The following CHMP2B variants were observed in gnomAD, a reference collection of about 807,000 sequenced individuals.
The protein encoded by CHMP2B is VPS2 homolog B.
A neutral mutation model predicts 29.8 loss-of-function variants in CHMP2B; 22 were observed. That is an observed-to-expected ratio of 0.74 (90% CI 0.53 to 1.05). CHMP2B has a LOEUF of 1.05. CHMP2B is among the 50% of genes least tolerant of loss of function. The pLI is 0.00. For missense variants in CHMP2B, 261 were observed against 252.2 expected (o/e 1.03, Z -0.24); for synonymous variants, 78 against 75.8 (o/e 1.03, Z -0.15).
chr3:87,247,375 G>A (rs1456401074), intron 3 of CHMP2B, among the ~76,000 whole-genome samples: 1 of 152,154 alleles, frequency 6.6e-6, no homozygotes, highest in African/African-American at 2.4e-5. Flanking sequence ...AGCACATCAT[G>A]TCCTTCTTTC....
chr3:87,253,458 A>G lies in CHMP2B; in HGVS notation c.479A>G (p.Gln160Arg). ...GGTTCTGATGACGAAGAAGAAAGCC[A>G]GGATATTGTGAATCAAGTTCTTGAT... The part of the protein sequence containing the change: ...FDGSDDEEES[Q>R]DIVNQVLDEI... Residue 160 changes from glutamine to arginine, a missense_variant, in exon 5 of 6, where the codon CAG (glutamine) becomes CGG (arginine). Coordinates refer to ENST00000263780, the MANE Select transcript of CHMP2B (RefSeq NM_014043.4). 2.5e-6 allele frequency: 4 copies of G among 1,612,170 alleles called. No individual in the cohort carries two copies. The highest frequency in any genetic ancestry group is 3.4e-6 in the Non-Finnish European group (4 of 1,178,460).
rs755848821 is a variant in CHMP2B at position 87,253,708 on chromosome 3, A to G, written c.532-4A>G. 27 of 1,610,634 alleles carry G rather than the reference A, an allele frequency of 1.7e-5. No homozygotes were observed. In the South Asian group the frequency reaches 2.6e-4, roughly 16 times the overall value. On this transcript the variant is annotated splice_region_variant and splice_polypyrimidine_tract_variant and intron_variant, in intron 5 of 5. Transcript: ENST00000263780. ...ACGTTTGTCTTTTTCATTGTTTAAT[A>G]TAGATGGCCAAAGCTCCATCAGCTG...
chr3:87,229,407 G>A (rs1170898563), intron 1 of CHMP2B, among the ~76,000 whole-genome samples: 1 of 152,092 alleles, frequency 6.6e-6, no homozygotes, highest in African/African-American at 2.4e-5. Context: ...AATTTGGCCA[G>A]CAGGTACATT....
intron 2 of CHMP2B, among the ~76,000 whole-genome samples, chr3:87,244,274 G>T (rs1430538608): frequency 2.6e-5 from 4 of 151,564 alleles, no homozygotes; most frequent in Admixed American, 1.3e-4. Context: ...TTGATTTCTT[G>T]ACCTCATTAT....
intron 2 of CHMP2B, among the ~76,000 whole-genome samples, chr3:87,244,596 A>C (rs1365945757): frequency 6.6e-6 from 1 of 151,874 alleles, no homozygotes; most frequent in Non-Finnish European, 1.5e-5. Context: ...ATTTAGAACT[A>C]TTATTTTTAA....
intron 4 of CHMP2B, among the ~76,000 whole-genome samples, chr3:87,251,361 T>G (rs1423780989): frequency 2.6e-5 from 4 of 151,972 alleles, no homozygotes; most frequent in African/African-American, 9.7e-5. Context: ...TCTTAGTACT[T>G]AACATGTGGT....
chr3:87,250,729 T>A (rs1034140391), intron 4 of CHMP2B, among the ~76,000 whole-genome samples: 2 of 151,966 alleles, frequency 1.3e-5, no homozygotes, highest in African/African-American at 4.8e-5. Context: ...AAGATTGTTG[T>A]AAAATTTTTA....
chr3:87,242,785 T>C (rs1349667811), intron 2 of CHMP2B, among the ~76,000 whole-genome samples: 1 of 152,176 alleles, frequency 6.6e-6, no homozygotes, highest in Non-Finnish European at 1.5e-5. Context: ...CTCTGTTCCA[T>C]TGATTTACAT....
chr3:87,235,737 C>T (rs1293556287), intron 1 of CHMP2B, among the ~76,000 whole-genome samples: 1 of 152,116 alleles, frequency 6.6e-6, no homozygotes, highest in African/African-American at 2.4e-5. Context: ...GGGTGTTCAG[C>T]AATTCAGTTC....
chr3:87,253,557 C>A, intron 5 of CHMP2B, 47 bp downstream of exon 5: 1 of 1,406,302 alleles, frequency 7.1e-7, no homozygotes, highest in Non-Finnish European at 1.0e-6. Flanking sequence ...CTGCCTACCA[C>A]GTTTGTCACT....
chr3:87,241,670 T>C (rs1483912204), intron 2 of CHMP2B, among the ~76,000 whole-genome samples: 6 of 152,310 alleles, frequency 3.9e-5, no homozygotes, highest in East Asian at 3.9e-4. Context: ...TATTATTCAA[T>C]TGTTTGAATA....
intron 1 of CHMP2B, chr3:87,240,484 A>G (rs1043154375): frequency 3.1e-5 from 13 of 413,982 alleles, no homozygotes; most frequent in Non-Finnish European, 5.1e-5. Context: ...CTAATTTTCT[A>G]TTTTTAGTAG....
At chr3:87,241,584 TTTCA>T (rs1307714839) in intron 2 of CHMP2B, among the ~76,000 whole-genome samples, 3 of 152,142 alleles carry the variant, frequency 2.0e-5, no homozygotes, top group Non-Finnish European at 4.4e-5. Flanking sequence ...TTATGGCATC[TTTCA>T]TTCAGCATAA....
Position 87,253,781 on chromosome 3 carries a change from G to A in CHMP2B, c.601G>A (p.Glu201Lys). 1 of 1,612,214 alleles carries A rather than the reference G, an allele frequency of 6.2e-7. No individual in the cohort carries two copies. The highest frequency in any genetic ancestry group is 1.1e-5 in the South Asian group (1 of 91,052). The change falls in exon 6 of 6, where the codon GAA becomes AAA. Residue 201 changes from glutamate to lysine, a missense_variant. Physicochemically the swap from Glu to Lys is moderately conservative, Grantham distance 56. Coordinates refer to ENST00000263780, the MANE Select transcript of CHMP2B (RefSeq NM_014043.4). ...TACTTCAAAGGCTACAATCTCAGAT[G>A]AAGAGATTGAACGGCAACTCAAGGC... ...ASTSKATISD[E>K]EIERQLKALG... is the part of the protein sequence containing the mutation.
intron 1 of CHMP2B, among the ~76,000 whole-genome samples, chr3:87,237,837 G>T (rs1352538154): frequency 6.6e-6 from 1 of 151,970 alleles, no homozygotes; most frequent in Non-Finnish European, 1.5e-5. Context: ...TTCCCATCAA[G>T]TCTCACTCAT....
At chr3:87,227,658 TG>T in intron 1 of CHMP2B, 102 bp downstream of exon 1, 4 of 1,472,770 alleles carry the variant, frequency 2.7e-6, no homozygotes, top group Non-Finnish European at 3.8e-6. Flanking sequence ...GAGGCGGGGC[TG>T]GATCAAGTGG....
At chr3:87,252,044 A>C (rs1163258750) in intron 4 of CHMP2B, among the ~76,000 whole-genome samples, 1 of 151,900 alleles carries the variant, frequency 6.6e-6, no homozygotes, top group Admixed American at 6.6e-5. Flanking sequence ...AAAATCCCCA[A>C]ATTTTAAATA....
At chr3:87,227,657 C>A in intron 1 of CHMP2B, 101 bp downstream of exon 1, 1 of 1,496,858 alleles carries the variant, frequency 6.7e-7, no homozygotes, top group Non-Finnish European at 9.3e-7. Context: ...GGAGGCGGGG[C>A]TGGATCAAGT....
In CHMP2B at chr3:87,249,084, C is replaced by T. The variant is rs916951003; in HGVS notation, c.322-791C>T. Among the ~76,000 whole-genome samples the T allele has an allele frequency of 2.6e-4, 39 of 152,212 alleles. 1 individual carries two copies. Among genetic ancestry groups the T allele is most frequent in the Admixed American group, 1.8e-3 (28 of 15,282 alleles). On this transcript the variant is annotated intron_variant, in intron 3 of 5. Coordinates refer to ENST00000263780, the MANE Select transcript of CHMP2B (RefSeq NM_014043.4). The stretch of plus-strand genomic sequence containing the variant: ...TAAACCTAGGTGATACAGCCTACTA[C>T]GCATCTAGGCTATATGGTATAGCCT...
Sources: allele counts gnomAD v4.1 joint callset (sites outside exome capture counted in the v4.1 genomes callset), GRCh38; gene constraint gnomAD v4.1.1; transcripts MANE v1.5; gene names NCBI Gene and HGNC (gene_info 2026-07-23, HGNC 2026-07-21).